The following IGSF11 variants were observed in gnomAD, a reference collection of about 807,000 sequenced individuals.
IGSF11 encodes CXADR like 1.
Under a neutral mutation model 41.0 loss-of-function variants are expected in IGSF11, and 22 were observed. The observed-to-expected ratio is 0.54, with a 90% confidence interval of 0.38 to 0.77. The LOEUF is 0.77. Among genes scored for constraint, IGSF11 ranks in the 30% least tolerant of loss-of-function variants. The pLI is 0.00. For synonymous variants in IGSF11, 219 were observed against 201.3 expected, an observed-to-expected ratio of 1.09 and a Z score of -0.74; for missense variants, 444 against 530.8, an observed-to-expected ratio of 0.84 and a Z score of 1.61.
intron 3 of IGSF11, among the ~76,000 whole-genome samples, 170 bp from the exon 4 acceptor site, chr3:118,926,426 G>C (rs367714179): frequency 6.6e-6 from 1 of 152,102 alleles, no homozygotes; most frequent in East Asian, 1.9e-4. Flanking sequence ...ACCAATTCAC[G>C]AGGCTTAGGC....
chr3:119,116,102 T>A (rs1194911922), intron 1 of IGSF11, among the ~76,000 whole-genome samples: 1 of 152,246 alleles, frequency 6.6e-6, no homozygotes, highest in Non-Finnish European at 1.5e-5. Flanking sequence ...AAACATTATT[T>A]CTGGGTGTGT....
chr3:118,978,327 T>C (rs1159931694), intron 1 of IGSF11, among the ~76,000 whole-genome samples: 1 of 151,798 alleles, frequency 6.6e-6, no homozygotes, highest in Non-Finnish European at 1.5e-5. Flanking sequence ...CTGCCAACAC[T>C]AGCACAGACC....
At chr3:119,055,885 G>A (rs376291232) in intron 1 of IGSF11, among the ~76,000 whole-genome samples, 4 of 152,116 alleles carry the variant, frequency 2.6e-5, no homozygotes, top group East Asian at 1.9e-4. Flanking sequence ...GGTACATAAC[G>A]AAATGAAGTC....
At chr3:119,000,984 A>C (rs1936764724) in intron 1 of IGSF11, among the ~76,000 whole-genome samples, 2 of 152,084 alleles carry the variant, frequency 1.3e-5, no homozygotes, top group Admixed American at 1.3e-4. Context: ...ATTTTCTATA[A>C]TATTCCTTGC....
chr3:119,094,222 G>GAAAAAAAAAAAAAAAAAAAAAA (rs1559863632), intron 1 of IGSF11, among the ~76,000 whole-genome samples: 1 of 4,328 alleles, frequency 2.3e-4, no homozygotes, highest in Non-Finnish European at 5.7e-4. Flanking sequence ...ACATAGCGAA[G>GAAAAAAAAAAAAAAAAAAAAAA]TAAAAAAAAA....
chr3:119,129,236 T>A (rs115732463), intron 1 of IGSF11, among the ~76,000 whole-genome samples: 1,916 of 152,274 alleles, frequency 0.013, 31 homozygotes, highest in African/African-American at 0.044. Flanking sequence ...CGTATACCTA[T>A]GTACCAAACC....
intron 1 of IGSF11, among the ~76,000 whole-genome samples, chr3:118,957,023 A>C (rs2107593973): frequency 6.6e-6 from 1 of 152,074 alleles, no homozygotes; most frequent in East Asian, 1.9e-4. Flanking sequence ...AAGTCCCATG[A>C]TTTTCCATCT....
chr3:118,988,614 G>A (rs1251137902), intron 1 of IGSF11, among the ~76,000 whole-genome samples: 1 of 152,176 alleles, frequency 6.6e-6, no homozygotes, highest in Non-Finnish European at 1.5e-5. Context: ...GAAGTGCATG[G>A]CAGCTGGCTG....
chr3:118,908,719 T>C (rs1939904505), intron 4 of IGSF11, among the ~76,000 whole-genome samples: 1 of 152,360 alleles, frequency 6.6e-6, no homozygotes, highest in Admixed American at 6.5e-5. Context: ...CAGCTACGTA[T>C]CTGGCACAGA....
chr3:119,020,909 T>C, intron 1 of IGSF11, among the ~76,000 whole-genome samples: 1 of 152,202 alleles, frequency 6.6e-6, no homozygotes, highest in East Asian at 1.9e-4. Flanking sequence ...ATTCCAACTG[T>C]AGTTATGTAA....
chr3:118,928,175 T>C (rs1050309319), intron 3 of IGSF11, among the ~76,000 whole-genome samples: 2 of 152,206 alleles, frequency 1.3e-5, no homozygotes, highest in African/African-American at 4.8e-5. Flanking sequence ...CTAAAATAAG[T>C]CATTCTTGAT....
chr3:118,960,638 A>G (rs1002688175), intron 1 of IGSF11, among the ~76,000 whole-genome samples: 15 of 152,202 alleles, frequency 9.9e-5, no homozygotes, highest in African/African-American at 3.4e-4. Context: ...AAAAAAATAA[A>G]ATAAAAATCA....
chr3:119,033,130 T>A (rs1940575680), intron 1 of IGSF11, among the ~76,000 whole-genome samples: 2 of 152,112 alleles, frequency 1.3e-5, no homozygotes, highest in South Asian at 4.2e-4. Flanking sequence ...GCCTAATAAT[T>A]CAAAAACAAA....
chr3:119,045,417 G>T (rs1002041171), intron 1 of IGSF11, among the ~76,000 whole-genome samples: 1 of 152,216 alleles, frequency 6.6e-6, no homozygotes, highest in Non-Finnish European at 1.5e-5. Flanking sequence ...ACTCCCACCC[G>T]AATACTGCGC....
At chr3:119,069,111 T>C (rs951734849) in intron 1 of IGSF11, among the ~76,000 whole-genome samples, 3 of 151,850 alleles carry the variant, frequency 2.0e-5, no homozygotes, top group Non-Finnish European at 4.4e-5. Context: ...GTATTTTTAG[T>C]AGAGACAGAG....
chr3:119,110,751 G>T (rs1362688731), intron 1 of IGSF11, among the ~76,000 whole-genome samples: 1 of 151,932 alleles, frequency 6.6e-6, no homozygotes, highest in African/African-American at 2.4e-5. Flanking sequence ...TCCATGTTTA[G>T]TGCTTCCTTC....
At chr3:119,105,929 C>A (rs887827745), upstream of IGSF11, among the ~76,000 whole-genome samples, 2 of 152,140 alleles carry the variant, frequency 1.3e-5, no homozygotes, top group Non-Finnish European at 2.9e-5. Context: ...TGAACCCCAA[C>A]CAACAAGCTT....
At chr3:118,906,215 A>C (rs1207273740) in intron 4 of IGSF11, among the ~76,000 whole-genome samples, 4 of 152,218 alleles carry the variant, frequency 2.6e-5, no homozygotes, top group Non-Finnish European at 5.9e-5. Flanking sequence ...ATCCTCCAAG[A>C]AGCAGACACC....
At chr3:118,926,425 C>T (rs1246955912) in intron 3 of IGSF11, among the ~76,000 whole-genome samples, 169 bp from the exon 4 acceptor site, 3 of 152,140 alleles carry the variant, frequency 2.0e-5, no homozygotes, top group Non-Finnish European at 4.4e-5. Flanking sequence ...TACCAATTCA[C>T]GAGGCTTAGG....
Sources: gnomAD v4.1 joint callset for allele counts (sites outside exome capture counted in the v4.1 genomes callset) on GRCh38, gnomAD v4.1.1 for gene constraint, MANE v1.5 for transcripts, NCBI Gene and HGNC (gene_info 2026-07-23, HGNC 2026-07-21) for gene names.